Variants in SIPA1L3 observed in about 807,000 individuals in gnomAD.
SIPA1L3 encodes the protein signal induced proliferation associated 1 like 3.
A neutral mutation model predicts 150.1 loss-of-function variants in SIPA1L3; 59 were observed. The ratio of observed to expected loss-of-function variants is 0.39; its 90% CI spans 0.32 to 0.49. The LOEUF is 0.49. Among genes scored for constraint, SIPA1L3 ranks in the 20% least tolerant of loss-of-function variants. The pLI, the probability that SIPA1L3 is intolerant of heterozygous loss-of-function variation, is 0.86. For synonymous variants in SIPA1L3, 1,070 were observed against 1,077.6 expected (o/e 0.99, Z 0.14); for missense variants, 2,211 against 2,489.5 (o/e 0.89, Z 2.38).
chr19:38,061,033 C>T (rs983484636), intron 2 of SIPA1L3, among the ~76,000 whole-genome samples: 7 of 151,836 alleles, frequency 4.6e-5, no homozygotes, highest in African/African-American at 1.7e-4. Flanking sequence ...GCTTTTCTTC[C>T]GAATTAGTAC....
chr19:38,084,761 T>C (rs1034963347), intron 3 of SIPA1L3, among the ~76,000 whole-genome samples: 1 of 150,460 alleles, frequency 6.6e-6, no homozygotes, highest in Non-Finnish European at 1.5e-5. Flanking sequence ...TGCCTCAGCC[T>C]CCTGAGTAGC....
At chr19:37,986,395 A>C (rs1333188351) in intron 1 of SIPA1L3, among the ~76,000 whole-genome samples, 1 of 152,202 alleles carries the variant, frequency 6.6e-6, no homozygotes, top group Admixed American at 6.5e-5. Flanking sequence ...GTCAACAGTT[A>C]AGACACTTGC....
At chr19:38,020,779 G>A (rs1019811845) in intron 1 of SIPA1L3, among the ~76,000 whole-genome samples, 1 of 152,064 alleles carries the variant, frequency 6.6e-6, no homozygotes, top group African/African-American at 2.4e-5. Flanking sequence ...AAATCTTTGA[G>A]TCCCACAATT....
chr19:38,102,173 A>G (rs999635867), intron 6 of SIPA1L3, among the ~76,000 whole-genome samples: 1 of 151,414 alleles, frequency 6.6e-6, no homozygotes, highest in African/African-American at 2.4e-5. Context: ...CAGCGTCCCA[A>G]GTAACTGGGA....
At position 38,047,453 on chromosome 19, in the gene SIPA1L3, G is replaced by A. The variant is rs904528566; in HGVS notation, c.-311+18297G>A. 6.6e-6 allele frequency among the ~76,000 whole-genome samples: 1 copy of A among 152,118 alleles called. No homozygotes were observed. ...CAGCATCTAGAACAGGACCTGGCCC[G>A]AAAGAGCTGCTCAGTAAATATTTGT... On this transcript the variant is annotated intron_variant, in intron 2 of 21. Coordinates refer to ENST00000222345, the MANE Select transcript of SIPA1L3 (RefSeq NM_015073.3). The surrounding 1 kb of genome is among the most constrained non-coding windows in gnomAD (Gnocchi z 4.7).
intron 3 of SIPA1L3, among the ~76,000 whole-genome samples, chr19:38,084,994 A>C (rs1196837569): frequency 6.6e-6 from 1 of 152,078 alleles, no homozygotes; most frequent in African/African-American, 2.4e-5. Context: ...AAACATAACA[A>C]ATGTCAGTTA....
In SIPA1L3 at chr19:38,081,522, C is replaced by T; in HGVS notation, c.-44C>T. ...AGGGCTGGGGGACCCCATAGAGTGA[C>T]ACCACAGCGTACGGGGCCAGCAGCA... On this transcript the variant is annotated 5_prime_UTR_variant, in exon 3 of 22. Coordinates refer to ENST00000222345, the MANE Select transcript of SIPA1L3 (RefSeq NM_015073.3). The T allele has an allele frequency of 1.3e-6, 2 of 1,515,598 alleles. No homozygotes were observed. The highest frequency in any genetic ancestry group is 8.9e-7 in the Non-Finnish European group (1 of 1,123,556). The allele number at this position is 1,515,598 out of a possible 1,614,324, so 93.9% of individuals were successfully genotyped here.
chr19:38,009,381 C>G (rs751635228), intron 1 of SIPA1L3, among the ~76,000 whole-genome samples: 2 of 152,140 alleles, frequency 1.3e-5, no homozygotes, highest in African/African-American at 2.4e-5. Flanking sequence ...AGTGTGGAGG[C>G]ACTCTCCTCT....
chr19:38,153,003 G>T, intron 13 of SIPA1L3, 36 bp downstream of exon 13: 1 of 1,602,572 alleles, frequency 6.2e-7, no homozygotes, highest in South Asian at 1.1e-5. Context: ...CCACCCGCCT[G>T]CCTCACTCCG....
At chr19:38,149,116 C>T (rs1164150832) in intron 12 of SIPA1L3, among the ~76,000 whole-genome samples, 1 of 152,124 alleles carries the variant, frequency 6.6e-6, no homozygotes, top group African/African-American at 2.4e-5. Flanking sequence ...TTGGGTGGGG[C>T]ACAGTGGCTC....
At chr19:38,017,809 C>G (rs1968273062) in intron 1 of SIPA1L3, among the ~76,000 whole-genome samples, 1 of 152,158 alleles carries the variant, frequency 6.6e-6, no homozygotes, top group Non-Finnish European at 1.5e-5. Flanking sequence ...GGATTACAGG[C>G]ATAAACCACC....
intron 1 of SIPA1L3, among the ~76,000 whole-genome samples, chr19:37,962,052 T>G (rs1230767271): frequency 6.6e-6 from 1 of 152,220 alleles, no homozygotes; most frequent in Admixed American, 6.5e-5. Flanking sequence ...ATGTAACTTG[T>G]AAGCCGTCTA....
Position 37,993,477 on chromosome 19 carries a change from G to C in SIPA1L3, c.-378-35612G>C, listed in dbSNP as rs917139459. 7.2e-5 allele frequency among the ~76,000 whole-genome samples: 11 copies of C among 152,216 alleles called. No individual in the cohort carries two copies. The East Asian group carries it at 1.4e-3, about 19-fold the overall frequency. ...CTCCCGAGTAGCTGGAATTATAGGT[G>C]CACGCCACCATGCCCAGCTAATTTT... On this transcript the variant is annotated intron_variant, in intron 1 of 21. Coordinates refer to ENST00000222345, the MANE Select transcript of SIPA1L3 (RefSeq NM_015073.3).
intron 10 of SIPA1L3, among the ~76,000 whole-genome samples, chr19:38,133,987 T>A (rs934062617): frequency 4.2e-5 from 6 of 143,698 alleles, no homozygotes; most frequent in South Asian, 2.2e-4. Context: ...CTACAACAAA[T>A]TTTTTTTTTT....
chr19:38,130,399 G>T, intron 9 of SIPA1L3, 99 bp from the exon 10 acceptor site: 1 of 1,262,958 alleles, frequency 7.9e-7, no homozygotes, highest in South Asian at 1.4e-5. Context: ...GATGGGAGTT[G>T]GCAGGTTTTT....
At chr19:38,035,523 G>A (rs894098768) in intron 2 of SIPA1L3, among the ~76,000 whole-genome samples, 1 of 152,158 alleles carries the variant, frequency 6.6e-6, no homozygotes, top group Non-Finnish European at 1.5e-5. Context: ...TGACACGGTG[G>A]CCAAGAGCAC....
intron 13 of SIPA1L3, among the ~76,000 whole-genome samples, chr19:38,161,507 G>A (rs969849822): frequency 6.6e-6 from 1 of 151,370 alleles, no homozygotes; most frequent in African/African-American, 2.4e-5. Context: ...GGTGGATCAC[G>A]AGGTCAGGAG....
chr19:38,102,186 A>G (rs1970519378), intron 6 of SIPA1L3, among the ~76,000 whole-genome samples: 1 of 151,578 alleles, frequency 6.6e-6, no homozygotes, highest in East Asian at 1.9e-4. Flanking sequence ...AACTGGGATT[A>G]CAGGCATGAG....
intron 10 of SIPA1L3, among the ~76,000 whole-genome samples, chr19:38,133,827 A>C (rs1415085224): frequency 6.6e-6 from 1 of 152,164 alleles, no homozygotes; most frequent in Non-Finnish European, 1.5e-5. Flanking sequence ...AAGGAGATCC[A>C]ACTTGTAAAG....
Sources: gnomAD v4.1 joint callset for allele counts (sites outside exome capture counted in the v4.1 genomes callset) on GRCh38, gnomAD v4.1.1 for gene constraint, Gnocchi (gnomAD v3.1) non-coding constraint, MANE v1.5 for transcripts, NCBI Gene and HGNC (gene_info 2026-07-23, HGNC 2026-07-21) for gene names.